Variants in EEIG1 observed in about 807,000 individuals in gnomAD.
EEIG1 encodes the protein early estrogen-induced gene 1 protein.
chr9:127,940,790 A>G, the EEIG1 span: 7 of 151,886 alleles, frequency 4.6e-5, no homozygotes, highest in Non-Finnish European at 1.0e-4. Context: ...TCACCTCCCT[A>G]AAGACAGAGG....
the EEIG1 span, among the ~76,000 whole-genome samples, chr9:127,978,930 T>C: frequency 3.3e-5 from 5 of 151,898 alleles, no homozygotes; most frequent in Non-Finnish European, 7.4e-5. Flanking sequence ...GATATGAGAA[T>C]TGATTGAACC....
At chr9:127,945,612 G>A in the EEIG1 span, 1 of 1,564,332 alleles carries the variant, frequency 6.4e-7, no homozygotes, top group African/African-American at 1.4e-5. This position sits in a 1 kb window ranked among gnomAD's most constrained non-coding sequence, Gnocchi z 6.5. Flanking sequence ...CCCGAGGAAG[G>A]AGGAGGCCAC....
the EEIG1 span, chr9:127,948,048 G>A: frequency 6.3e-7 from 1 of 1,599,578 alleles, no homozygotes; most frequent in Non-Finnish European, 8.5e-7. Flanking sequence ...GCAGGGGAGG[G>A]GCGGACAGAT....
the EEIG1 span, among the ~76,000 whole-genome samples, chr9:127,960,413 G>A: frequency 6.6e-6 from 1 of 152,182 alleles, no homozygotes; most frequent in African/African-American, 2.4e-5. Context: ...TTCTGACAGC[G>A]GCTCTGTCTT....
At chr9:127,965,170 G>T in the EEIG1 span, among the ~76,000 whole-genome samples, 1 of 145,516 alleles carries the variant, frequency 6.9e-6, no homozygotes, top group African/African-American at 2.6e-5. Flanking sequence ...ACATTCCACT[G>T]GCTCATGACA....
At chr9:127,973,775 A>T in the EEIG1 span, among the ~76,000 whole-genome samples, 1 of 151,990 alleles carries the variant, frequency 6.6e-6, no homozygotes, top group African/African-American at 2.4e-5. This position sits in a 1 kb window ranked among gnomAD's most constrained non-coding sequence, Gnocchi z 4.2. Flanking sequence ...TCCACAGGCC[A>T]CTCTGCCTCC....
chr9:127,945,099 G>T, the EEIG1 span, among the ~76,000 whole-genome samples: 6 of 152,150 alleles, frequency 3.9e-5, no homozygotes, highest in Non-Finnish European at 7.4e-5. The surrounding 1 kb of genome is among the most constrained non-coding windows in gnomAD (Gnocchi z 6.5). Context: ...AGGATGCCAG[G>T]CAATGAGCAG....
At chr9:127,979,716 C>T in the EEIG1 span, among the ~76,000 whole-genome samples, 3 of 152,236 alleles carry the variant, frequency 2.0e-5, no homozygotes, top group African/African-American at 7.2e-5. Flanking sequence ...CCCTGATAGG[C>T]TGTACATGCA....
the EEIG1 span, chr9:127,943,300 G>C: frequency 6.6e-7 from 1 of 1,524,004 alleles, no homozygotes; most frequent in African/African-American, 1.4e-5. Context: ...CGCTCCACTG[G>C]ACCAGGCCTC....
the EEIG1 span, among the ~76,000 whole-genome samples, chr9:127,970,435 T>C: frequency 1.5e-4 from 23 of 152,146 alleles, no homozygotes; most frequent in Non-Finnish European, 2.1e-4. Context: ...TACACTCTTT[T>C]GTCTCCGGCT....
the EEIG1 span, among the ~76,000 whole-genome samples, chr9:127,976,546 T>G: frequency 4.6e-5 from 7 of 152,216 alleles, no homozygotes; most frequent in Non-Finnish European, 2.9e-5. The surrounding 1 kb of genome is among the most constrained non-coding windows in gnomAD (Gnocchi z 4.1). Context: ...AAATACCAGT[T>G]GCAAAACAGT....
At chr9:127,974,127 G>A in the EEIG1 span, among the ~76,000 whole-genome samples, 2 of 152,156 alleles carry the variant, frequency 1.3e-5, no homozygotes, top group Admixed American at 6.5e-5. Context: ...CAGCCCTGCG[G>A]TTGAGGAAGC....
the EEIG1 span, among the ~76,000 whole-genome samples, chr9:127,967,099 G>A: frequency 1.3e-5 from 2 of 152,218 alleles, no homozygotes; most frequent in African/African-American, 4.8e-5. Context: ...GCCAAGGGAG[G>A]GATGGTCACT....
chr9:127,962,932 T>C, the EEIG1 span, among the ~76,000 whole-genome samples: 35 of 152,276 alleles, frequency 2.3e-4, no homozygotes, highest in Non-Finnish European at 4.0e-4. Flanking sequence ...CTTACCCTAA[T>C]GTGGCCCAGG....
the EEIG1 span, among the ~76,000 whole-genome samples, chr9:127,972,936 A>G: frequency 6.6e-6 from 1 of 152,110 alleles, no homozygotes; most frequent in Non-Finnish European, 1.5e-5. The surrounding 1 kb of genome is among the most constrained non-coding windows in gnomAD (Gnocchi z 4.3). Flanking sequence ...CTGACCTCAT[A>G]GTGGGTGGCT....
At chr9:127,966,858 G>T in the EEIG1 span, among the ~76,000 whole-genome samples, 1 of 152,204 alleles carries the variant, frequency 6.6e-6, no homozygotes, top group Non-Finnish European at 1.5e-5. Flanking sequence ...GTCGCTGCAG[G>T]TCACATGGGA....
chr9:127,969,287 G>A, the EEIG1 span, among the ~76,000 whole-genome samples: 1 of 152,152 alleles, frequency 6.6e-6, no homozygotes, highest in African/African-American at 2.4e-5. Context: ...CGGTTGTCTT[G>A]GCCAAGGCAA....
chr9:127,977,299 G>GCAATTTA, the EEIG1 span, among the ~76,000 whole-genome samples: 1 of 152,224 alleles, frequency 6.6e-6, no homozygotes, highest in African/African-American at 2.4e-5. Flanking sequence ...CCCTTGCCAG[G>GCAATTTA]AGGAAGAAGG....
At chr9:127,962,073 A>G in the EEIG1 span, among the ~76,000 whole-genome samples, 1,937 of 152,310 alleles carry the variant, frequency 0.013, 120 homozygotes, top group East Asian at 0.2. Flanking sequence ...GCAACGCCAG[A>G]AGAGAAGGAG....
Sources: allele counts gnomAD v4.1 joint callset (sites outside exome capture counted in the v4.1 genomes callset), GRCh38; gene constraint gnomAD v4.1.1; non-coding constraint Gnocchi (gnomAD v3.1); transcripts MANE v1.5; gene names NCBI Gene and HGNC (gene_info 2026-07-23, HGNC 2026-07-21).